The following DGKG variants were observed in gnomAD, a reference collection of about 807,000 sequenced individuals.
The protein encoded by DGKG is diacylglycerol kinase gamma, also known as DAG kinase gamma.
In DGKG, 78 loss-of-function variants were observed where a neutral mutation model predicts 105.3. The ratio of observed to expected loss-of-function variants is 0.74; its 90% CI spans 0.62 to 0.89. The LOEUF (loss-of-function observed/expected upper bound fraction) is 0.89, where lower values mean the gene tolerates loss of function less well. Among genes scored for constraint, DGKG ranks in the 40% least tolerant of loss-of-function variants. The pLI is 0.00. For missense variants in DGKG, 958 were observed against 1,020.1 expected (o/e 0.94, Z 0.83); for synonymous variants, 346 against 367.1 (o/e 0.94, Z 0.66).
At chr3:186,303,559 AT>A (rs1032741748) in intron 3 of DGKG, among the ~76,000 whole-genome samples, 2 of 152,204 alleles carry the variant, frequency 1.3e-5, no homozygotes, top group Non-Finnish European at 2.9e-5. Flanking sequence ...TGTTACTGTC[AT>A]TCTGGGGATA....
intron 6 of DGKG, among the ~76,000 whole-genome samples, chr3:186,286,488 A>T (rs982361294): frequency 1.3e-5 from 2 of 152,140 alleles, no homozygotes; most frequent in African/African-American, 4.8e-5. Flanking sequence ...CTTCTAGGTT[A>T]CAATGAGGTT....
At chr3:186,347,122 G>A (rs1016424838) in intron 1 of DGKG, among the ~76,000 whole-genome samples, 1 of 151,754 alleles carries the variant, frequency 6.6e-6, no homozygotes, top group Non-Finnish European at 1.5e-5. Context: ...TTTAGAATTG[G>A]GTTTTGACCA....
At chr3:186,358,473 A>G (rs192850296) in intron 1 of DGKG, among the ~76,000 whole-genome samples, 1 of 133,662 alleles carries the variant, frequency 7.5e-6, no homozygotes. Flanking sequence ...GGAACAACTC[A>G]TAGCTAGGGC....
intron 20 of DGKG, among the ~76,000 whole-genome samples, chr3:186,219,777 T>C (rs917863379): frequency 1.3e-5 from 2 of 151,994 alleles, no homozygotes; most frequent in African/African-American, 4.8e-5. Flanking sequence ...GGGAGAAACT[T>C]GAGTAGGATG....
At chr3:186,321,465 T>C (rs1396210031) in intron 1 of DGKG, among the ~76,000 whole-genome samples, 1 of 152,246 alleles carries the variant, frequency 6.6e-6, no homozygotes, top group Non-Finnish European at 1.5e-5. Flanking sequence ...CCCATGGTTA[T>C]ACTGATCATA....
At chr3:186,204,428 C>T (rs969154079) in intron 21 of DGKG, among the ~76,000 whole-genome samples, 12 of 151,902 alleles carry the variant, frequency 7.9e-5, no homozygotes, top group Admixed American at 5.9e-4. Flanking sequence ...ATAATAATGG[C>T]GCTGGTTTAG....
rs1722973834 is a variant in DGKG, at chr3:186,284,549, T to C, written c.594+111A>G. 4.3e-6 allele frequency: 4 copies of C among 925,784 alleles called. No individual in the cohort carries two copies. The highest frequency in any genetic ancestry group is 4.2e-5 in the South Asian group (3 of 71,346). The allele number at this position is 925,784 out of a possible 1,614,324, so 57.3% of individuals were successfully genotyped here. On this transcript the variant is annotated intron_variant, in intron 7 of 24. Transcript: ENST00000265022. The surrounding 1 kb of genome is among the most constrained non-coding windows in gnomAD (Gnocchi z 4.0). The stretch of plus-strand genomic sequence containing the variant: ...GATTTCCTCAGCCTGCATCGAGACA[T>C]TGCTATTACTACAAAGACGGAACTG...
intron 20 of DGKG, among the ~76,000 whole-genome samples, 177 bp from the exon 21 acceptor site, chr3:186,212,062 C>T (rs1241935410): frequency 1.3e-5 from 2 of 152,210 alleles, no homozygotes; most frequent in Non-Finnish European, 2.9e-5. Flanking sequence ...TGTTCTTGCT[C>T]GGAACTTAGA....
At chr3:186,315,940 C>T (rs1724797797) in intron 2 of DGKG, among the ~76,000 whole-genome samples, 3 of 152,250 alleles carry the variant, frequency 2.0e-5, no homozygotes, top group African/African-American at 4.8e-5. Context: ...AAAGATCTGA[C>T]AGCAGCTTCT....
intron 24 of DGKG, 35 bp from the exon 25 acceptor site, chr3:186,150,223 T>G: frequency 1.9e-6 from 3 of 1,590,620 alleles, no homozygotes; most frequent in Non-Finnish European, 2.6e-6. Flanking sequence ...ATTAGTGGCA[T>G]GCAAATCTCA....
At position 186,149,471 on chromosome 3, in the gene DGKG, A is replaced by G. The variant is rs1011434564; in HGVS notation, c.*619T>C. ...TGCCCACCGACGGCGCAGAAACCCA[A>G]GAATGGAAATACAGCTTTCCACAGC... On this transcript the variant is annotated 3_prime_UTR_variant, in exon 25 of 25. Transcript: ENST00000265022. 1.0e-6 allele frequency: 1 copy of G among 985,476 alleles called. No individual in the cohort carries two copies. The highest frequency in any genetic ancestry group is 1.2e-6 in the Non-Finnish European group (1 of 829,942). 61.0% of individuals were successfully genotyped at this position (985,476 alleles called of 1,614,324 possible).
At chr3:186,248,976 G>GT (rs972147983) in intron 19 of DGKG, among the ~76,000 whole-genome samples, 18 of 152,074 alleles carry the variant, frequency 1.2e-4, no homozygotes, top group Admixed American at 3.3e-4. Flanking sequence ...AGACATATGA[G>GT]TTTTTTTTAA....
intron 1 of DGKG, among the ~76,000 whole-genome samples, chr3:186,338,768 A>C (rs536459361): frequency 6.6e-6 from 1 of 152,188 alleles, no homozygotes; most frequent in South Asian, 2.1e-4. Context: ...TTCTGGCACA[A>C]CTCAATCTTT....
At chr3:186,195,427 A>G (rs1718133684) in intron 21 of DGKG, among the ~76,000 whole-genome samples, 1 of 152,184 alleles carries the variant, frequency 6.6e-6, no homozygotes, top group Admixed American at 6.5e-5. Flanking sequence ...GCTTGCCTGA[A>G]AAGTCTTTAC....
intron 22 of DGKG, among the ~76,000 whole-genome samples, chr3:186,186,115 AAAG>A (rs1717622697): frequency 6.6e-6 from 1 of 151,408 alleles, no homozygotes; most frequent in South Asian, 2.1e-4. Context: ...AAAAAAAAAA[AAAG>A]AGGTCAACAA....
At chr3:186,201,186 G>A (rs1270914117) in intron 21 of DGKG, among the ~76,000 whole-genome samples, 6 of 151,800 alleles carry the variant, frequency 4.0e-5, no homozygotes, top group Non-Finnish European at 7.4e-5. Flanking sequence ...AGTGTGTTAA[G>A]GGATTCTTGC....
intron 19 of DGKG, among the ~76,000 whole-genome samples, chr3:186,250,919 G>C (rs1015976444): frequency 1.3e-5 from 2 of 151,380 alleles, no homozygotes; most frequent in East Asian, 2.0e-4. Context: ...CCAACCCCCA[G>C]CTTCATTTAT....
intron 9 of DGKG, among the ~76,000 whole-genome samples, chr3:186,278,589 A>T (rs1722691100): frequency 1.3e-5 from 2 of 152,200 alleles, no homozygotes; most frequent in Admixed American, 1.3e-4. Flanking sequence ...GTTCTAAGGA[A>T]TAAGAAGGGG....
At chr3:186,241,821 A>G (rs1720701291) in intron 20 of DGKG, among the ~76,000 whole-genome samples, 1 of 152,178 alleles carries the variant, frequency 6.6e-6, no homozygotes, top group Admixed American at 6.5e-5. Flanking sequence ...AGTCACAACT[A>G]AGTTCTGGCA....
Sources: gnomAD v4.1 joint callset for allele counts (sites outside exome capture counted in the v4.1 genomes callset) on GRCh38, gnomAD v4.1.1 for gene constraint, Gnocchi (gnomAD v3.1) non-coding constraint, MANE v1.5 for transcripts, NCBI Gene and HGNC (gene_info 2026-07-23, HGNC 2026-07-21) for gene names.